The following CACNA1I variants were observed in gnomAD, a reference collection of about 807,000 sequenced individuals.
CACNA1I encodes voltage-dependent T-type calcium channel subunit alpha-1I.
CACNA1I carries 74 observed loss-of-function variants against 201.6 expected under a neutral mutation model. The ratio of observed to expected loss-of-function variants is 0.37; its 90% CI spans 0.30 to 0.45. The LOEUF is 0.45. CACNA1I is among the 20% of genes least tolerant of loss of function. The pLI is 1.00. For missense variants in CACNA1I, 2,346 were observed against 3,138.1 expected, an observed-to-expected ratio of 0.75 and a Z score of 6.03; for synonymous variants, 1,431 against 1,345.2, an observed-to-expected ratio of 1.06 and a Z score of -1.40.
At chr22:39,578,119 G>C (rs893419516) in intron 1 of CACNA1I, among the ~76,000 whole-genome samples, 2 of 152,130 alleles carry the variant, frequency 1.3e-5, no homozygotes, top group African/African-American at 4.8e-5. Flanking sequence ...GCTCCTGGAG[G>C]TGGGAGGGCG....
chr22:39,664,694 CGCCCCTCCCGCGG>C, intron 20 of CACNA1I, 32 bp from the exon 21 acceptor site: 5 of 869,334 alleles, frequency 5.8e-6, no homozygotes, highest in Non-Finnish European at 8.9e-6. Flanking sequence ...CCCACCTGCC[CGCCCCTCCCGCGG>C]CAGCCTGACC....
intron 4 of CACNA1I, among the ~76,000 whole-genome samples, chr22:39,632,649 C>T (rs768511247): frequency 5.3e-5 from 8 of 152,232 alleles, no homozygotes; most frequent in South Asian, 2.1e-4. Flanking sequence ...ATGTGCCCAA[C>T]GCCATGCCTG....
chr22:39,662,952 A>G (rs1935075355), intron 18 of CACNA1I, 76 bp downstream of exon 18: 2 of 1,034,632 alleles, frequency 1.9e-6, no homozygotes, highest in Non-Finnish European at 2.9e-6. Flanking sequence ...CAAGCCAGGC[A>G]AGGCCATTGG....
chr22:39,659,709 G>A lies in CACNA1I; in HGVS notation c.2461G>A (p.Glu821Lys). The A allele has an allele frequency of 6.2e-7, 1 of 1,613,908 alleles. No individual in the cohort carries two copies. Residue 821 changes from glutamate (E) to lysine (K), a missense_variant, in exon 14 of 37, where the codon GAG becomes AAG. Glu to Lys is a moderately conservative substitution (Grantham distance 56, BLOSUM62 1). Around this residue, in one of 13 missense-constraint regions of CACNA1I, gnomAD observed 155 missense variants for 300.8 expected, o/e 0.52. Coordinates refer to ENST00000402142, the MANE Select transcript of CACNA1I (RefSeq NM_021096.4). This position sits in a 1 kb window ranked among gnomAD's most constrained non-coding sequence, Gnocchi z 4.3. ...GTCTCCCCAACAGATCCTCACCCAG[G>A]AGGACTGGAACGTCGTTCTCTACAA... The part of the protein sequence containing the change: ...IVTVFQILTQ[E>K]DWNVVLYNGM...
intron 3 of CACNA1I, among the ~76,000 whole-genome samples, chr22:39,603,776 G>T (rs575029314): frequency 3.6e-4 from 55 of 152,326 alleles, no homozygotes; most frequent in African/African-American, 1.3e-3. Flanking sequence ...ATGGTAATCA[G>T]CAGAATTAGG....
chr22:39,638,192 G>A (rs1028156754), intron 5 of CACNA1I, among the ~76,000 whole-genome samples: 9 of 152,274 alleles, frequency 5.9e-5, no homozygotes, highest in African/African-American at 9.6e-5. Context: ...CACCCACCTC[G>A]GCCTCCCAAA....
chr22:39,686,599 C>A lies in CACNA1I; in HGVS notation c.*194C>A. 3 of 138,080 alleles carry A rather than the reference C, an allele frequency of 2.2e-5. No individual in the cohort carries two copies. The highest frequency in any genetic ancestry group is 1.8e-4 in the East Asian group (1 of 5,526). The allele number at this position is 138,080 out of a possible 1,614,324, so 8.6% of individuals were successfully genotyped here. A position where few individuals can be genotyped will look rare whatever the true frequency, so the allele number is the denominator to read the frequency against. ...GTGGCCCATGGTGGCCCTTCCAGTG[C>A]ATATACATACATATATATATATATA... On this transcript the variant is annotated 3_prime_UTR_variant, in exon 37 of 37. Transcript: ENST00000402142.
chr22:39,597,488 G>A (rs1324415925), intron 1 of CACNA1I, among the ~76,000 whole-genome samples: 1 of 152,224 alleles, frequency 6.6e-6, no homozygotes, highest in Non-Finnish European at 1.5e-5. Flanking sequence ...CCAAGGCCAG[G>A]TTCATGGCCA....
intron 1 of CACNA1I, among the ~76,000 whole-genome samples, chr22:39,582,853 C>T (rs982070066): frequency 3.3e-4 from 49 of 149,758 alleles, no homozygotes; most frequent in Admixed American, 3.0e-3. Flanking sequence ...TCACTCCATC[C>T]GTTCATCCAA....
chr22:39,663,767 G>A lies in CACNA1I; in HGVS notation c.3523G>A (p.Val1175Ile), dbSNP rs754171344. 6.4e-6 allele frequency: 10 copies of A among 1,560,330 alleles called. No individual in the cohort carries two copies. The highest frequency in any genetic ancestry group is 1.7e-4 in the Middle Eastern group (1 of 5,822). The stretch of plus-strand genomic sequence containing the variant: ...TATTGCCCACAAACTCTTCGACTAC[G>A]TCGTCCTGGCCTTCATCTTTCTCAA... ...TIIAHKLFDY[V>I]VLAFIFLNCI... Residue 1175 changes from valine (V) to isoleucine (I), a missense_variant, in exon 19 of 37, where the codon GTC becomes ATC. Physicochemically the swap from Val to Ile is conservative, Grantham distance 29. Transcript: ENST00000402142.
In CACNA1I at chr22:39,661,241, G is replaced by A; in HGVS notation, c.2832G>A (p.Leu944=). The A allele has an allele frequency of 7.4e-6, 12 of 1,611,312 alleles. No individual in the cohort carries two copies. The highest frequency in any genetic ancestry group is 1.0e-5 in the Non-Finnish European group (12 of 1,178,886). The change falls in exon 16 of 37, where the codon CTG becomes CTA. Residue 944 remains leucine, a synonymous_variant. Transcript: ENST00000402142. ...TCTCACTGCAGCCGGACCCCATGCT[G>A]GTGGCCCTGGGCTCCCGAAAGAGCA... ...PRLSLQPDPM[L]VALGSRKSSV...
chr22:39,656,557 C>T lies in CACNA1I; in HGVS notation c.1993-1595C>T, dbSNP rs866637910. The T allele has an allele frequency of 4.3e-5, 22 of 513,852 alleles. 1 individual carries two copies. The highest frequency in any genetic ancestry group is 3.8e-4 in the East Asian group (7 of 18,274). The allele number at this position is 513,852 out of a possible 1,614,324, so 31.8% of individuals were successfully genotyped here. On this transcript the variant is annotated intron_variant, in intron 10 of 36. Transcript: ENST00000402142. The stretch of plus-strand genomic sequence containing the variant: ...AGCACGAGCTTCTCAAAGGCAGGGA[C>T]GGTGCCCTGACTCCCTCACCACTGC...
chr22:39,607,580 G>A (rs1288050959), intron 3 of CACNA1I, among the ~76,000 whole-genome samples: 1 of 152,234 alleles, frequency 6.6e-6, no homozygotes, highest in Non-Finnish European at 1.5e-5. Flanking sequence ...GGAACCGCAG[G>A]AAGGGGAAGA....
chr22:39,664,690 T>G, intron 20 of CACNA1I, 49 bp from the exon 21 acceptor site: 1 of 260,386 alleles, frequency 3.8e-6, no homozygotes, highest in Non-Finnish European at 6.8e-6. Context: ...CCCGCCCACC[T>G]GCCCGCCCCT....
intron 24 of CACNA1I, among the ~76,000 whole-genome samples, chr22:39,669,386 C>T (rs1415477998): frequency 6.6e-6 from 1 of 152,232 alleles, no homozygotes; most frequent in South Asian, 2.1e-4. Context: ...CACATGCGTA[C>T]ATGGATTCCA....
At chr22:39,586,487 G>A (rs1038033192) in intron 1 of CACNA1I, among the ~76,000 whole-genome samples, 1 of 144,214 alleles carries the variant, frequency 6.9e-6, no homozygotes, top group Non-Finnish European at 1.5e-5. Flanking sequence ...ATTAGACTCC[G>A]TCTCTAAAAT....
chr22:39,615,358 G>C (rs1346090143), intron 3 of CACNA1I, among the ~76,000 whole-genome samples: 1 of 152,128 alleles, frequency 6.6e-6, no homozygotes, highest in Non-Finnish European at 1.5e-5. Flanking sequence ...GACACAGCTA[G>C]GTCTGAGTTT....
intron 4 of CACNA1I, among the ~76,000 whole-genome samples, chr22:39,630,096 C>T (rs1934016007): frequency 6.6e-6 from 1 of 152,194 alleles, no homozygotes; most frequent in African/African-American, 2.4e-5. Context: ...TTTGTCCAGG[C>T]TGCCTCCGAC....
intron 4 of CACNA1I, among the ~76,000 whole-genome samples, chr22:39,623,711 G>A (rs1933818221): frequency 6.8e-6 from 1 of 147,932 alleles, no homozygotes; most frequent in South Asian, 2.2e-4. Flanking sequence ...TGTGTGCTGT[G>A]AGGAGGTGTG....
Sources: gnomAD v4.1 joint callset for allele counts (sites outside exome capture counted in the v4.1 genomes callset) on GRCh38, gnomAD v4.1.1 for gene constraint, gnomAD v4.1.1 regional missense constraint, Gnocchi (gnomAD v3.1) non-coding constraint, MANE v1.5 for transcripts, NCBI Gene and HGNC (gene_info 2026-07-23, HGNC 2026-07-21) for gene names.